Variants in RIPOR3 observed in about 807,000 individuals in gnomAD.
RIPOR3 encodes RIPOR family member 3, also known as family with sequence similarity 65 member C.
In RIPOR3, 95 loss-of-function variants were observed where a neutral mutation model predicts 114.3. That is an observed-to-expected ratio of 0.83 (90% CI 0.70 to 0.99). RIPOR3 has a LOEUF of 0.99. RIPOR3 is among the 50% of genes least tolerant of loss of function. The pLI is 0.00. For missense variants in RIPOR3, 1,252 were observed against 1,266.9 expected (o/e 0.99, Z 0.18); for synonymous variants, 575 against 543.8 (o/e 1.06, Z -0.80).
intron 1 of RIPOR3, among the ~76,000 whole-genome samples, chr20:50,686,683 G>A (rs936145803): frequency 2.6e-5 from 4 of 151,674 alleles, no homozygotes; most frequent in Admixed American, 2.0e-4. Flanking sequence ...CCCAGGAGGC[G>A]GAGGTTGCAG....
chr20:50,649,905 G>T (rs891427953), intron 1 of RIPOR3, among the ~76,000 whole-genome samples: 2 of 152,254 alleles, frequency 1.3e-5, no homozygotes, highest in East Asian at 1.9e-4. Flanking sequence ...TCCAGCCCCA[G>T]CCGGGCTAAC....
At chr20:50,653,829 A>C (rs1210500330) in intron 1 of RIPOR3, 1 of 152,036 alleles carries the variant, frequency 6.6e-6, no homozygotes, top group Admixed American at 6.6e-5. Context: ...GGAGTCAAAC[A>C]ATCCATCCGC....
intron 1 of RIPOR3, among the ~76,000 whole-genome samples, chr20:50,647,676 G>T (rs1035662203): frequency 1.3e-5 from 2 of 151,294 alleles, no homozygotes; most frequent in African/African-American, 2.4e-5. Context: ...TAGAGACAGG[G>T]TTTCACCGTG....
At chr20:50,626,189 C>T (rs554854920) in intron 2 of RIPOR3, among the ~76,000 whole-genome samples, 6 of 152,268 alleles carry the variant, frequency 3.9e-5, no homozygotes, top group Non-Finnish European at 8.8e-5. Flanking sequence ...GGGAGCTCGA[C>T]GGAGACAGGA....
chr20:50,667,991 C>G (rs1384139538), intron 1 of RIPOR3, among the ~76,000 whole-genome samples: 1 of 152,166 alleles, frequency 6.6e-6, no homozygotes, highest in Non-Finnish European at 1.5e-5. Context: ...AGGATAGTTA[C>G]AGTGTCAGCG....
intron 3 of RIPOR3, among the ~76,000 whole-genome samples, chr20:50,619,440 CAA>C (rs11483233): frequency 3.3e-4 from 32 of 96,348 alleles, no homozygotes; most frequent in East Asian, 3.3e-4. Flanking sequence ...GACTCCATCT[CAA>C]AAAAAAAAAA....
chr20:50,636,555 G>A, intron 1 of RIPOR3: 1 of 985,598 alleles, frequency 1.0e-6, no homozygotes, highest in Non-Finnish European at 1.2e-6. Context: ...AGAGAAGGGA[G>A]GCACAGAGTC....
Position 50,620,008 on chromosome 20 carries a change from C to G in RIPOR3, c.247G>C (p.Glu83Gln), listed in dbSNP as rs772627917. The G allele has an allele frequency of 6.2e-7, 1 of 1,612,944 alleles. No individual in the cohort carries two copies. Among genetic ancestry groups the G allele is most frequent in the Non-Finnish European group, 8.5e-7 (1 of 1,178,978 alleles). The change falls in exon 3 of 22, where the codon GAA becomes CAA. Residue 83 changes from glutamate to glutamine, a missense_variant. By Grantham distance (29) the Glu-to-Gln change is conservative. Transcript: ENST00000327979. ...PKPQQVKKIFEALKRGLKEYL... is the reference protein window; with the variant it reads ...PKPQQVKKIFQALKRGLKEYL... ...TACTTGAGGCCTCTTTTCAATGCTTCGAAGATCTTCTTCACCTGCTGGGGC... is the reference window on the plus strand; with the variant it reads ...TACTTGAGGCCTCTTTTCAATGCTTGGAAGATCTTCTTCACCTGCTGGGGC...
rs1481487942 is a variant in RIPOR3 at position 50,593,024 on chromosome 20, C to T, written c.2374+11G>A. The T allele has an allele frequency of 1.9e-6, 3 of 1,613,632 alleles. No homozygotes were observed. The Admixed American group carries it at 5.0e-5, about 27-fold the overall frequency. On this transcript the variant is annotated intron_variant, in intron 18 of 21. Transcript: ENST00000327979. ...TTCCTCTGCTATGACAGCCACCCAC[C>T]CCAGTCTTACCTTCCTTGGTGAGCT...
intron 16 of RIPOR3, chr20:50,595,081 A>G (rs1013329037): frequency 1.2e-5 from 6 of 498,930 alleles, no homozygotes; most frequent in Non-Finnish European, 1.4e-5. Context: ...ACCTCACTGA[A>G]CCCCGTGCAG....
At chr20:50,666,250 G>GCCCGGAGTCACGCTCTGTTT (rs1264621402) in intron 1 of RIPOR3, among the ~76,000 whole-genome samples, 1 of 41,160 alleles carries the variant, frequency 2.4e-5, no homozygotes, top group Non-Finnish European at 6.1e-5. Flanking sequence ...ACGCTCTGTT[G>GCCCGGAGTCACGCTCTGTTT]CCCAGAGTCA....
Position 50,655,669 on chromosome 20 carries a change from CTGTGTGTGTGTGTG to C in RIPOR3, c.4-24827_4-24814del, listed in dbSNP as rs11469999. ...TCCCTCCTGTCTCGGTTAGCGTGGG[CTGTGTGTGTGTGTG>C]TGTGTGTGTGTGTGTGTGTGTCCAC... On this transcript the variant is annotated intron_variant, in intron 1 of 21. Transcript: ENST00000327979. 7.1e-3 allele frequency among the ~76,000 whole-genome samples: 1,037 copies of C among 145,284 alleles called. 3 individuals are homozygous for C. Among genetic ancestry groups the C allele is most frequent in the Middle Eastern group, 0.025 (7 of 280 alleles).
chr20:50,661,763 G>A lies in RIPOR3; in HGVS notation c.3+29363C>T, dbSNP rs549316122. Among the ~76,000 whole-genome samples the A allele has an allele frequency of 2.6e-5, 4 of 152,332 alleles. No homozygotes were observed. The South Asian group carries it at 8.3e-4, about 32-fold the overall frequency. On this transcript the variant is annotated intron_variant, in intron 1 of 21. Coordinates refer to ENST00000327979, the MANE Select transcript of RIPOR3 (RefSeq NM_001290268.2). The stretch of plus-strand genomic sequence containing the variant: ...AAAGGGCAGGTCGGGGCCTGGGAGA[G>A]AAGGGGAAGCTGGCCTGGGGCAGAG...
intron 11 of RIPOR3, among the ~76,000 whole-genome samples, chr20:50,607,254 G>A (rs185034258): frequency 1.3e-5 from 2 of 152,238 alleles, no homozygotes; most frequent in African/African-American, 4.8e-5. Flanking sequence ...TCTGTAAAAG[G>A]GGTGCGCTTA....
chr20:50,608,413 T>C lies in RIPOR3; in HGVS notation c.932A>G (p.Lys311Arg). The C allele has an allele frequency of 6.2e-7, 1 of 1,613,974 alleles. No individual in the cohort carries two copies. The highest frequency in any genetic ancestry group is 8.5e-7 in the Non-Finnish European group (1 of 1,179,934). ...VVDITELGTI[K>R]LQLEVQWNPF... ...CTTCCACTGCACCTCCAGCTGCAGC[T>C]TGATGGTACCCAACTCCGTGATGTC... Residue 311 changes from lysine (K) to arginine (R), a missense_variant, in exon 11 of 22, where the codon AAG becomes AGG. Physicochemically the swap from Lys to Arg is conservative, Grantham distance 26 (BLOSUM62 2). Transcript: ENST00000327979.
chr20:50,587,250 A>C lies in RIPOR3; in HGVS notation c.2835T>G (p.Val945=), dbSNP rs773696459. The change falls in exon 22 of 22, where the codon GTT becomes GTG. Residue 945 remains valine, a synonymous_variant. Coordinates refer to ENST00000327979, the MANE Select transcript of RIPOR3 (RefSeq NM_001290268.2). ...QREVFCQEAD[V]EITIF is the part of the protein sequence containing the mutation. Reference sequence around the variant, plus strand: ...GGATTTTTTAAAATATTGTGATTTCAACATCTGCCTCCTGGCAAAAGACTT... The same window carrying C: ...GGATTTTTTAAAATATTGTGATTTCCACATCTGCCTCCTGGCAAAAGACTT... The C allele has an allele frequency of 1.9e-6, 3 of 1,613,958 alleles. No individual in the cohort carries two copies. In the African/African-American group the frequency reaches 4.0e-5, roughly 22 times the overall value.
rs948787625 is a variant in RIPOR3, at chr20:50,586,994, C to G, written c.*238G>C. ...GACCCTCAGCCAGAAGTTGAGCGCT[C>G]TGTTGAGGCCGTGCAGCCCCTGGAA... On this transcript the variant is annotated 3_prime_UTR_variant, in exon 22 of 22. Coordinates refer to ENST00000327979, the MANE Select transcript of RIPOR3 (RefSeq NM_001290268.2). 2 of 494,698 alleles carry G rather than the reference C, an allele frequency of 4.0e-6. No homozygotes were observed. Among genetic ancestry groups the G allele is most frequent in the Non-Finnish European group, 3.6e-6 (1 of 274,122 alleles). The allele number at this position is 494,698 out of a possible 1,614,324, so 30.6% of individuals were successfully genotyped here.
intron 2 of RIPOR3, among the ~76,000 whole-genome samples, chr20:50,628,574 G>A (rs1424741831): frequency 3.9e-5 from 6 of 151,968 alleles, no homozygotes; most frequent in East Asian, 1.9e-4. Context: ...CCCCTGTCTC[G>A]TCAGGCTCTC....
intron 1 of RIPOR3, among the ~76,000 whole-genome samples, chr20:50,670,158 C>CAAA (rs34360499): frequency 3.3e-3 from 158 of 47,606 alleles, no homozygotes; most frequent in Middle Eastern, 9.4e-3. Flanking sequence ...AACTCCATCT[C>CAAA]AAAAAAAAAA....
Sources: gnomAD v4.1 joint callset for allele counts (sites outside exome capture counted in the v4.1 genomes callset) on GRCh38, gnomAD v4.1.1 for gene constraint, MANE v1.5 for transcripts, NCBI Gene and HGNC (gene_info 2026-07-23, HGNC 2026-07-21) for gene names.